The following PPFIA2 variants were observed in gnomAD, a reference collection of about 807,000 sequenced individuals.
PPFIA2 encodes the protein PPFI scaffold protein A2.
A neutral mutation model predicts 175.5 loss-of-function variants in PPFIA2; 46 were observed. The observed-to-expected ratio is 0.26, with a 90% CI of 0.21 to 0.34. The LOEUF is 0.34. PPFIA2 is among the 10% of genes least tolerant of loss of function. The probability of loss-of-function intolerance (pLI) is 1.00; values close to 1 mark genes in which losing one functional copy is unlikely to be tolerated. For missense variants in PPFIA2, 1,179 were observed against 1,506.1 expected (o/e 0.78, Z 3.60); for synonymous variants, 568 against 511.4 (o/e 1.11, Z -1.49).
At chr12:81,488,170 A>G (rs1283052951) in intron 4 of PPFIA2, among the ~76,000 whole-genome samples, 1 of 151,718 alleles carries the variant, frequency 6.6e-6, no homozygotes, top group Non-Finnish European at 1.5e-5. Flanking sequence ...GTTTCTTGTT[A>G]TATTTGCCTT....
At chr12:81,311,755 A>C (rs999599078) in intron 22 of PPFIA2, among the ~76,000 whole-genome samples, 3 of 149,866 alleles carry the variant, frequency 2.0e-5, no homozygotes, top group Non-Finnish European at 3.0e-5. Flanking sequence ...AAAAAAAAGA[A>C]AGAAAGAAAG....
intron 32 of PPFIA2, chr12:81,261,310 A>C (rs2035442485): frequency 6.6e-6 from 1 of 152,088 alleles, no homozygotes; most frequent in Non-Finnish European, 1.5e-5. Context: ...TCTGCCTCCC[A>C]GGTTCAAGTG....
chr12:81,507,285 A>G (rs980134634), intron 4 of PPFIA2, among the ~76,000 whole-genome samples: 24 of 152,134 alleles, frequency 1.6e-4, no homozygotes, highest in African/African-American at 5.8e-4. Flanking sequence ...CTGCATATTT[A>G]TCATTATTAA....
In PPFIA2 at chr12:81,299,565, G is replaced by A. The variant is rs77430834; in HGVS notation, c.2643-183C>T. Among the ~76,000 whole-genome samples the A allele has an allele frequency of 1.1e-4, 16 of 151,984 alleles. No homozygotes were observed. The East Asian group carries it at 2.5e-3, about 24-fold the overall frequency. On this transcript the variant is annotated intron_variant, in intron 22 of 32. Coordinates refer to ENST00000549396, the MANE Select transcript of PPFIA2 (RefSeq NM_003625.5). ...ACACATCATCCATTGATTTTATTACGAATGAAGCATTGACATAGAAAAGTA... is the reference window on the plus strand; with the variant it reads ...ACACATCATCCATTGATTTTATTACAAATGAAGCATTGACATAGAAAAGTA...
At chr12:81,444,333 G>A (rs1181736668) in intron 6 of PPFIA2, among the ~76,000 whole-genome samples, 7 of 152,016 alleles carry the variant, frequency 4.6e-5, no homozygotes, top group Non-Finnish European at 7.4e-5. Context: ...ATTTATCTCT[G>A]TGTGTCAAAC....
At position 81,258,944 on chromosome 12, in the gene PPFIA2, T is replaced by G. The variant is rs2034532429; in HGVS notation, c.*750A>C. On this transcript the variant is annotated 3_prime_UTR_variant, in exon 33 of 33. Coordinates refer to ENST00000549396, the MANE Select transcript of PPFIA2 (RefSeq NM_003625.5). ...ATTTTTAAATAATTGCTTTTGACCC[T>G]TGTAAACAGCTTGGCTTTGTTTTGT... 1 of 152,190 alleles carries G rather than the reference T, an allele frequency of 6.6e-6. No individual in the cohort carries two copies. The highest frequency in any genetic ancestry group is 1.5e-5 in the Non-Finnish European group (1 of 68,080). 9.4% of individuals were successfully genotyped at this position (152,190 alleles called of 1,614,324 possible). A position where few individuals can be genotyped will look rare whatever the true frequency, so the allele number is the denominator to read the frequency against.
chr12:81,671,113 A>G (rs1414247476), intron 4 of PPFIA2, among the ~76,000 whole-genome samples: 1 of 151,868 alleles, frequency 6.6e-6, no homozygotes, highest in Non-Finnish European at 1.5e-5. Context: ...TCAACTTAAC[A>G]TGTCTAAAAC....
chr12:81,749,367 T>C (rs1334423588), intron 3 of PPFIA2, among the ~76,000 whole-genome samples: 4 of 143,852 alleles, frequency 2.8e-5, no homozygotes, highest in Non-Finnish European at 6.2e-5. Context: ...CCAAACTTTT[T>C]TCCCCATCCC....
intron 3 of PPFIA2, among the ~76,000 whole-genome samples, chr12:81,713,706 T>C (rs1025350874): frequency 1.3e-5 from 2 of 151,216 alleles, no homozygotes; most frequent in Admixed American, 6.7e-5. Flanking sequence ...CTATAGCATA[T>C]TGTTCAGGTC....
chr12:81,598,156 C>A, intron 4 of PPFIA2: 5 of 1,463,318 alleles, frequency 3.4e-6, no homozygotes, highest in Non-Finnish European at 4.5e-6. Context: ...CTGCCCCATC[C>A]TTCTTACATA....
At chr12:81,698,111 T>G (rs2076093726) in intron 3 of PPFIA2, among the ~76,000 whole-genome samples, 1 of 152,134 alleles carries the variant, frequency 6.6e-6, no homozygotes, top group Non-Finnish European at 1.5e-5. Context: ...AGACTTACTC[T>G]GAGAATTTCT....
intron 28 of PPFIA2, among the ~76,000 whole-genome samples, chr12:81,270,270 T>A (rs1164526646): frequency 1.3e-5 from 2 of 152,222 alleles, no homozygotes; most frequent in Non-Finnish European, 2.9e-5. Context: ...TCTTTACCAA[T>A]GCTTTGTATT....
intron 4 of PPFIA2, among the ~76,000 whole-genome samples, chr12:81,655,010 T>G (rs187275353): frequency 2.0e-4 from 30 of 152,210 alleles, no homozygotes; most frequent in African/African-American, 7.0e-4. Flanking sequence ...ATCACCTGAA[T>G]TTTTTATTTC....
chr12:81,613,931 A>C (rs1171636385), intron 4 of PPFIA2, among the ~76,000 whole-genome samples: 1 of 152,160 alleles, frequency 6.6e-6, no homozygotes, highest in Non-Finnish European at 1.5e-5. Flanking sequence ...TATGTGGTAC[A>C]TCTAACACTT....
chr12:81,390,533 G>A (rs2039923188), intron 8 of PPFIA2, among the ~76,000 whole-genome samples: 3 of 151,808 alleles, frequency 2.0e-5, no homozygotes, highest in Non-Finnish European at 4.4e-5. Flanking sequence ...TGATGAAGTT[G>A]GACATCTTTT....
intron 4 of PPFIA2, among the ~76,000 whole-genome samples, chr12:81,496,715 G>A (rs1041856326): frequency 6.6e-6 from 1 of 152,162 alleles, no homozygotes; most frequent in African/African-American, 2.4e-5. Flanking sequence ...GGGATAGAAT[G>A]GGAAAATTCA....
intron 4 of PPFIA2, among the ~76,000 whole-genome samples, chr12:81,668,817 G>A (rs1357871200): frequency 6.6e-6 from 1 of 151,978 alleles, no homozygotes; most frequent in East Asian, 1.9e-4. Flanking sequence ...ATGTTTTGGG[G>A]TTTTAAAGAT....
chr12:81,412,212 A>T (rs2044093278), intron 7 of PPFIA2, among the ~76,000 whole-genome samples: 1 of 151,790 alleles, frequency 6.6e-6, no homozygotes, highest in Non-Finnish European at 1.5e-5. Context: ...TTGAGGGTTT[A>T]ATAAATATTA....
chr12:81,672,586 G>T (rs1349304758), intron 4 of PPFIA2, among the ~76,000 whole-genome samples: 1 of 151,892 alleles, frequency 6.6e-6, no homozygotes, highest in Non-Finnish European at 1.5e-5. Flanking sequence ...TCACACTCTA[G>T]AAATAAAGAG....
Sources: allele counts gnomAD v4.1 joint callset (sites outside exome capture counted in the v4.1 genomes callset), GRCh38; gene constraint gnomAD v4.1.1; transcripts MANE v1.5; gene names NCBI Gene and HGNC (gene_info 2026-07-23, HGNC 2026-07-21).